Variants in ZSCAN5A observed in about 807,000 individuals in gnomAD.
ZSCAN5A encodes zinc finger and SCAN domain containing 5A.
A neutral mutation model predicts 23.7 loss-of-function variants in ZSCAN5A; 12 were observed. The observed-to-expected ratio is 0.51, with a 90% CI of 0.32 to 0.82. ZSCAN5A has a LOEUF of 0.82. Ranked by LOEUF, ZSCAN5A falls within the 40% of genes least tolerant of loss-of-function variation. ZSCAN5A has a pLI of 0.03. For missense variants in ZSCAN5A, 597 were observed against 617.9 expected (o/e 0.97, Z 0.36); for synonymous variants, 257 against 239.9 (o/e 1.07, Z -0.66).
intron 2 of ZSCAN5A, chr19:56,299,762 T>C (rs527508447): frequency 5.9e-5 from 9 of 152,378 alleles, no homozygotes; most frequent in African/African-American, 2.2e-4. Context: ...ATTGTTTTTA[T>C]TGTTGTATTG....
At chr19:56,231,996 C>CTTTTTTTTTTTTTTTTTTTTTTTTTTG (rs59525392) in intron 2 of ZSCAN5A, among the ~76,000 whole-genome samples, 1 of 124,986 alleles carries the variant, frequency 8.0e-6, no homozygotes, top group African/African-American at 3.0e-5. Context: ...TTTTTCTTTT[C>CTTTTTTTTTTTTTTTTTTTTTTTTTTG]TTTTTTTTTG....
chr19:56,319,068 G>A (rs1389258585), upstream of ZSCAN5A, among the ~76,000 whole-genome samples: 2 of 152,116 alleles, frequency 1.3e-5, no homozygotes, highest in African/African-American at 4.8e-5. Context: ...AACCCCAACA[G>A]AATCAACTAA....
intron 2 of ZSCAN5A, among the ~76,000 whole-genome samples, chr19:56,232,799 T>G (rs1277437764): frequency 6.6e-6 from 1 of 152,088 alleles, no homozygotes; most frequent in Non-Finnish European, 1.5e-5. Flanking sequence ...TCACCTCAGC[T>G]TCCCCAGTAG....
At chr19:56,238,602 C>T (rs967959335) in intron 2 of ZSCAN5A, among the ~76,000 whole-genome samples, 1 of 152,026 alleles carries the variant, frequency 6.6e-6, no homozygotes, top group Non-Finnish European at 1.5e-5. Context: ...TTCCATTGCA[C>T]CCAGCCAAGG....
chr19:56,325,312 G>A (rs1321658841), intron 2 of ZSCAN5A, among the ~76,000 whole-genome samples: 1 of 152,148 alleles, frequency 6.6e-6, no homozygotes, highest in African/African-American at 2.4e-5. Flanking sequence ...ACAGAATGGG[G>A]CCCCTCCCCA....
At chr19:56,262,024 T>G (rs2037160518) in intron 2 of ZSCAN5A, among the ~76,000 whole-genome samples, 1 of 152,160 alleles carries the variant, frequency 6.6e-6, no homozygotes, top group African/African-American at 2.4e-5. Flanking sequence ...GTAACCACTT[T>G]TCTAACTTTT....
chr19:56,301,894 G>C, intron 2 of ZSCAN5A: 1 of 1,231,138 alleles, frequency 8.1e-7, no homozygotes, highest in African/African-American at 1.6e-5. Flanking sequence ...AGAATGGAGA[G>C]ACAGCAGTGA....
At chr19:56,305,885 C>T (rs893857920) in intron 2 of ZSCAN5A, among the ~76,000 whole-genome samples, 2 of 151,418 alleles carry the variant, frequency 1.3e-5, no homozygotes, top group African/African-American at 4.9e-5. Flanking sequence ...GTGAAAGAGC[C>T]TCCAGGTGAA....
intron 2 of ZSCAN5A, among the ~76,000 whole-genome samples, chr19:56,325,261 TTGTG>T (rs912857977): frequency 6.6e-6 from 1 of 152,356 alleles, no homozygotes; most frequent in East Asian, 1.9e-4. Context: ...CTTAAAGGTA[TTGTG>T]TGTGTGTCTT....
In ZSCAN5A at chr19:56,250,283, G is replaced by A. The variant is rs116437975; in HGVS notation, c.-127-25110C>T. Among the ~76,000 whole-genome samples, 598 of 152,272 alleles carry A rather than the reference G, an allele frequency of 3.9e-3. 6 individuals are homozygous for A. The highest frequency in any genetic ancestry group is 0.013 in the African/African-American group (547 of 41,554). ...CCTGACTCTCACCCTCAAGAGATAC[G>A]AGTTTGAGTCGATACTTGGAAATCA... On this transcript the variant is annotated intron_variant, in intron 2 of 5. Transcript: ENST00000683990.
At chr19:56,225,479 A>G (rs1162729950) in intron 2 of ZSCAN5A, 1 of 157,796 alleles carries the variant, frequency 6.3e-6, no homozygotes, top group African/African-American at 2.4e-5. Context: ...GCAACAATAA[A>G]GTAAGCCCTT....
At chr19:56,302,582 CCT>C (rs2040383110) in intron 2 of ZSCAN5A, among the ~76,000 whole-genome samples, 1 of 34,384 alleles carries the variant, frequency 2.9e-5, no homozygotes, top group African/African-American at 3.1e-4. Flanking sequence ...TCTTCCTCCC[CCT>C]TTTCTTCCTC....
chr19:56,360,476 A>G (rs2147468363), intron 2 of ZSCAN5A, among the ~76,000 whole-genome samples: 1 of 152,324 alleles, frequency 6.6e-6, no homozygotes, highest in South Asian at 2.1e-4. Flanking sequence ...GGAAGAGTCA[A>G]TATCATGAAA....
intron 2 of ZSCAN5A, chr19:56,347,743 G>A (rs2041643636): frequency 6.6e-6 from 1 of 152,294 alleles, no homozygotes; most frequent in Non-Finnish European, 1.5e-5. Context: ...CCTGATAGTA[G>A]AAGGAAACTA....
At chr19:56,261,107 C>T (rs1237321890) in intron 2 of ZSCAN5A, among the ~76,000 whole-genome samples, 1 of 151,698 alleles carries the variant, frequency 6.6e-6, no homozygotes, top group Non-Finnish European at 1.5e-5. Context: ...ACTTGGGAGG[C>T]TGAGGCAGGA....
At chr19:56,322,379 C>T (rs2041385437) in intron 2 of ZSCAN5A, 11 of 721,490 alleles carry the variant, frequency 1.5e-5, no homozygotes, top group African/African-American at 3.5e-5. Flanking sequence ...ACCTCTCAGC[C>T]GGCAGGCTTC....
intron 2 of ZSCAN5A, among the ~76,000 whole-genome samples, chr19:56,287,494 C>T (rs140066650): frequency 6.6e-6 from 1 of 152,266 alleles, no homozygotes; most frequent in East Asian, 1.9e-4. Context: ...CTCCCATCCC[C>T]CCAAGTCCAC....
At chr19:56,329,957 A>T (rs181887067) in intron 2 of ZSCAN5A, among the ~76,000 whole-genome samples, 1 of 152,084 alleles carries the variant, frequency 6.6e-6, no homozygotes. Flanking sequence ...ACAGTACCCA[A>T]TAGTTTTTCA....
upstream of ZSCAN5A, chr19:56,315,704 G>A (rs1396248175): frequency 6.6e-6 from 1 of 152,192 alleles, no homozygotes; most frequent in Non-Finnish European, 1.5e-5. Flanking sequence ...AATAATGTCT[G>A]GTACCCCTGC....
Sources: allele counts gnomAD v4.1 joint callset (sites outside exome capture counted in the v4.1 genomes callset), GRCh38; gene constraint gnomAD v4.1.1; transcripts MANE v1.5; gene names NCBI Gene and HGNC (gene_info 2026-07-23, HGNC 2026-07-21).